NDRG3: variants seen among roughly 807,000 people sequenced by gnomAD.
NDRG3 encodes NDRG family member 3.
NDRG3 carries 23 observed loss-of-function variants against 57.2 expected under a neutral mutation model. That is an observed-to-expected ratio of 0.40 (90% CI 0.29 to 0.57). The LOEUF is 0.57. Among genes scored for constraint, NDRG3 ranks in the 20% least tolerant of loss-of-function variants. NDRG3 has a pLI of 0.42. For synonymous variants in NDRG3, 132 were observed against 162.6 expected (o/e 0.81, Z 1.43); for missense variants, 384 against 457.3 (o/e 0.84, Z 1.46).
At chr20:36,701,545 T>C (rs1983222581) in intron 3 of NDRG3, among the ~76,000 whole-genome samples, 7 of 95,996 alleles carry the variant, frequency 7.3e-5, no homozygotes, top group Admixed American at 6.0e-4. Flanking sequence ...ACCCTGTATC[T>C]TTTTTTTTTT....
At chr20:36,680,991 AC>A in intron 7 of NDRG3, 89 bp from the exon 8 acceptor site, 1 of 1,041,254 alleles carries the variant, frequency 9.6e-7, no homozygotes, top group Admixed American at 2.0e-5. Context: ...ATTCTTACTT[AC>A]ATGCCTTAAT....
intron 2 of NDRG3, among the ~76,000 whole-genome samples, chr20:36,712,403 T>C (rs1387033691): frequency 7.0e-6 from 1 of 142,080 alleles, no homozygotes; most frequent in Non-Finnish European, 1.5e-5. Flanking sequence ...CTTTTTTTTT[T>C]TTTTTTTCCT....
chr20:36,743,138 T>C (rs558931548), intron 1 of NDRG3, among the ~76,000 whole-genome samples: 1 of 152,286 alleles, frequency 6.6e-6, no homozygotes, highest in East Asian at 1.9e-4. Flanking sequence ...TACATCGAAA[T>C]AGCATATACC....
chr20:36,712,181 A>G (rs1983926005), intron 2 of NDRG3, among the ~76,000 whole-genome samples: 1 of 151,794 alleles, frequency 6.6e-6, no homozygotes, highest in Admixed American at 6.6e-5. Context: ...TCACCCTGGA[A>G]AATGGGAATG....
intron 8 of NDRG3, among the ~76,000 whole-genome samples, chr20:36,678,083 A>C (rs1336423521): frequency 6.6e-6 from 1 of 152,202 alleles, no homozygotes; most frequent in African/African-American, 2.4e-5. Context: ...TTTAGAGGTT[A>C]AATTCCTTCC....
chr20:36,660,621 C>T (rs1716878499), intron 12 of NDRG3, among the ~76,000 whole-genome samples: 2 of 150,674 alleles, frequency 1.3e-5, no homozygotes, highest in Non-Finnish European at 1.5e-5. Flanking sequence ...AGTGCAGTGG[C>T]GCGATCTCGG....
rs746515970 is a variant in NDRG3 at position 36,666,331 on chromosome 20, A to G, written c.650T>C (p.Ile217Thr). The G allele has an allele frequency of 6.2e-7, 1 of 1,614,152 alleles. No homozygotes were observed. Among genetic ancestry groups the G allele is most frequent in the South Asian group, 1.1e-5 (1 of 91,090 alleles). ...GAAGAGCTGCAGGTTGTCTTGGTTG[A>G]TGTCTTGGGCAATATGCATTCTGTA... ...QTYRMHIAQD[I>T]NQDNLQLFLN... The change falls in exon 10 of 16, where the codon ATC (isoleucine) becomes ACC (threonine). Residue 217 changes from isoleucine (I) to threonine (T), a missense_variant. Ile to Thr is a moderately conservative substitution (Grantham distance 89, BLOSUM62 -1). Coordinates refer to ENST00000349004, the MANE Select transcript of NDRG3 (RefSeq NM_032013.4).
At chr20:36,742,884 T>C (rs1251354260) in intron 1 of NDRG3, among the ~76,000 whole-genome samples, 2 of 152,162 alleles carry the variant, frequency 1.3e-5, no homozygotes, top group Non-Finnish European at 2.9e-5. Context: ...TTAAGAACCT[T>C]CATTTAAATA....
chr20:36,667,183 A>G (rs926328311), intron 9 of NDRG3, among the ~76,000 whole-genome samples: 1 of 152,188 alleles, frequency 6.6e-6, no homozygotes, highest in African/African-American at 2.4e-5. Flanking sequence ...ATATACCACC[A>G]TTTAATATTA....
At chr20:36,697,943 T>C (rs1165221737) in intron 3 of NDRG3, among the ~76,000 whole-genome samples, 1 of 151,678 alleles carries the variant, frequency 6.6e-6, no homozygotes. Flanking sequence ...TTACATAATT[T>C]GCGAGTTTTT....
chr20:36,729,648 C>T (rs1163323161), intron 1 of NDRG3, among the ~76,000 whole-genome samples: 1 of 152,098 alleles, frequency 6.6e-6, no homozygotes, highest in South Asian at 2.1e-4. Context: ...TTACCTCACC[C>T]TTCCAAGTAG....
chr20:36,719,500 G>A (rs1036859910), intron 2 of NDRG3, among the ~76,000 whole-genome samples: 2 of 151,816 alleles, frequency 1.3e-5, no homozygotes, highest in African/African-American at 4.8e-5. Flanking sequence ...GAAGGGGTGG[G>A]AGTGGGAATG....
At chr20:36,715,056 T>TATA (rs1984190297) in intron 2 of NDRG3, among the ~76,000 whole-genome samples, 1 of 122,128 alleles carries the variant, frequency 8.2e-6, no homozygotes, top group African/African-American at 2.9e-5. Context: ...ATATATATAT[T>TATA]ATATTTAAGT....
At chr20:36,739,042 G>A (rs1338892360) in intron 1 of NDRG3, among the ~76,000 whole-genome samples, 1 of 148,042 alleles carries the variant, frequency 6.8e-6, no homozygotes, top group East Asian at 2.0e-4. Context: ...GGCTGAGGCA[G>A]GAGAATGGCT....
chr20:36,702,678 C>T (rs1011015214), intron 3 of NDRG3, among the ~76,000 whole-genome samples: 1 of 151,974 alleles, frequency 6.6e-6, no homozygotes, highest in Non-Finnish European at 1.5e-5. Flanking sequence ...CACCTGCCAC[C>T]ATGCCCAGCT....
At chr20:36,732,584 C>A (rs1181891308) in intron 1 of NDRG3, among the ~76,000 whole-genome samples, 1 of 152,070 alleles carries the variant, frequency 6.6e-6, no homozygotes, top group Admixed American at 6.6e-5. Flanking sequence ...CTTTTTGAGT[C>A]CCTGACAGGG....
At chr20:36,722,007 A>G (rs949343147) in intron 1 of NDRG3, among the ~76,000 whole-genome samples, 2 of 152,132 alleles carry the variant, frequency 1.3e-5, no homozygotes, top group Non-Finnish European at 1.5e-5. Context: ...GAGTGTGCGC[A>G]GGGCCTGTGG....
At chr20:36,681,782 C>A (rs866006263) in intron 7 of NDRG3, among the ~76,000 whole-genome samples, 24 of 151,636 alleles carry the variant, frequency 1.6e-4, no homozygotes, top group Middle Eastern at 3.2e-3. Context: ...ACTACAATCT[C>A]GGCCTCTAGG....
intron 8 of NDRG3, among the ~76,000 whole-genome samples, chr20:36,678,217 A>C (rs1327894353): frequency 6.6e-6 from 1 of 152,220 alleles, no homozygotes; most frequent in Non-Finnish European, 1.5e-5. Flanking sequence ...AATGCAAACT[A>C]TAGACTAGGA....
Sources: allele counts gnomAD v4.1 joint callset (sites outside exome capture counted in the v4.1 genomes callset), GRCh38; gene constraint gnomAD v4.1.1; transcripts MANE v1.5; gene names NCBI Gene and HGNC (gene_info 2026-07-23, HGNC 2026-07-21).